BAIAP2L1: variants seen among roughly 807,000 people sequenced by gnomAD.
BAIAP2L1 encodes BAR/IMD domain containing adaptor protein 2 like 1.
In BAIAP2L1, 35 loss-of-function variants were observed where a neutral mutation model predicts 66.3. That is an observed-to-expected ratio of 0.53 (90% CI 0.40 to 0.70). The LOEUF is 0.70. BAIAP2L1 is among the 30% of genes least tolerant of loss of function. BAIAP2L1 has a pLI of 0.00. For synonymous variants in BAIAP2L1, 269 were observed against 248.7 expected, an observed-to-expected ratio of 1.08 and a Z score of -0.77; for missense variants, 622 against 656.9, an observed-to-expected ratio of 0.95 and a Z score of 0.58.
chr7:98,386,727 G>A (rs1042263508), intron 1 of BAIAP2L1: 1 of 577,760 alleles, frequency 1.7e-6, no homozygotes, highest in African/African-American at 2.5e-5. Context: ...TGGTGACAGA[G>A]TCTCGCTCTG....
At chr7:98,296,211 G>C (rs746972459) in intron 12 of BAIAP2L1, among the ~76,000 whole-genome samples, 6 of 152,260 alleles carry the variant, frequency 3.9e-5, no homozygotes, top group African/African-American at 1.4e-4. Context: ...GGTCACGGAG[G>C]TGGGCCATGC....
chr7:98,353,580 C>A (rs1802050965), intron 3 of BAIAP2L1, among the ~76,000 whole-genome samples: 1 of 132,850 alleles, frequency 7.5e-6, no homozygotes, highest in Admixed American at 8.4e-5. Context: ...ATTATAAATA[C>A]ATATATATTT....
chr7:98,390,047 C>CT (rs1802994939), intron 1 of BAIAP2L1, among the ~76,000 whole-genome samples: 1 of 151,412 alleles, frequency 6.6e-6, no homozygotes, highest in Admixed American at 6.6e-5. Context: ...TCCCGAGTAG[C>CT]TGGGACTACA....
At chr7:98,322,383 T>C (rs948886374) in intron 3 of BAIAP2L1, among the ~76,000 whole-genome samples, 4 of 152,088 alleles carry the variant, frequency 2.6e-5, no homozygotes, top group Admixed American at 2.0e-4. Context: ...CCTCGACATG[T>C]CTCAAAGTGA....
chr7:98,390,606 C>A (rs1584507198), intron 1 of BAIAP2L1, among the ~76,000 whole-genome samples: 1 of 151,694 alleles, frequency 6.6e-6, no homozygotes, highest in South Asian at 2.1e-4. Flanking sequence ...GTGGTGGGTG[C>A]CTGCAGTCCC....
At chr7:98,333,916 G>A (rs1427233437) in intron 3 of BAIAP2L1, among the ~76,000 whole-genome samples, 1 of 152,046 alleles carries the variant, frequency 6.6e-6, no homozygotes. Context: ...TAGGCACAGG[G>A]TTTAATTATG....
At chr7:98,355,968 A>G (rs1040223316) in intron 2 of BAIAP2L1, among the ~76,000 whole-genome samples, 6 of 152,242 alleles carry the variant, frequency 3.9e-5, no homozygotes, top group Admixed American at 1.3e-4. Context: ...ATATATTATC[A>G]TTCCAAAAAG....
chr7:98,346,106 A>G (rs993027856), intron 3 of BAIAP2L1, among the ~76,000 whole-genome samples: 1 of 152,224 alleles, frequency 6.6e-6, no homozygotes, highest in Admixed American at 6.5e-5. Flanking sequence ...AGTGAACTGT[A>G]TACTTTAAAT....
At chr7:98,303,220 T>C (rs1288353806) in intron 12 of BAIAP2L1, among the ~76,000 whole-genome samples, 1 of 152,170 alleles carries the variant, frequency 6.6e-6, no homozygotes, top group Non-Finnish European at 1.5e-5. Flanking sequence ...AGGCACATCT[T>C]AGAAGCACAT....
At chr7:98,397,670 TCTTA>T in intron 1 of BAIAP2L1, among the ~76,000 whole-genome samples, 1 of 152,206 alleles carries the variant, frequency 6.6e-6, no homozygotes, top group African/African-American at 2.4e-5. Flanking sequence ...CTGTGGCTGC[TCTTA>T]ATTAAGGGTT....
At chr7:98,314,428 CTAACT>C (rs779806268) in intron 7 of BAIAP2L1, among the ~76,000 whole-genome samples, 94 of 152,218 alleles carry the variant, frequency 6.2e-4, no homozygotes, top group Non-Finnish European at 2.4e-4. Context: ...GGAACACTCT[CTAACT>C]TTACTATGAA....
intron 1 of BAIAP2L1, among the ~76,000 whole-genome samples, chr7:98,377,014 G>T (rs962896286): frequency 6.6e-6 from 1 of 152,138 alleles, no homozygotes; most frequent in Non-Finnish European, 1.5e-5. Context: ...AAAAGCCTGA[G>T]GACAAATTGA....
chr7:98,393,099 G>A lies in BAIAP2L1; in HGVS notation c.51+7703C>T, dbSNP rs528241318. ...TACACACACATATATACATATATAC[G>A]TGTACATATATGTACACATATATGT... On this transcript the variant is annotated intron_variant, in intron 1 of 13. Coordinates refer to ENST00000005260, the MANE Select transcript of BAIAP2L1 (RefSeq NM_018842.5). Among the ~76,000 whole-genome samples the A allele has an allele frequency of 2.4e-4, 25 of 103,270 alleles. 4 individuals carry two copies. The South Asian group carries it at 5.8e-3, about 24-fold the overall frequency. The allele number at this position is 103,270 out of a possible 152,430, so 67.7% of individuals were successfully genotyped here.
chr7:98,372,733 G>GTTTT (rs34330041), intron 1 of BAIAP2L1, among the ~76,000 whole-genome samples: 12 of 93,810 alleles, frequency 1.3e-4, no homozygotes, highest in Admixed American at 2.6e-4. Flanking sequence ...ATCGATTTTG[G>GTTTT]TTTTTTTTTT....
rs1799976746 is a variant in BAIAP2L1 at position 98,291,988 on chromosome 7, CA to C, written c.*1532del. ...TGTGGACTGAATTCTCATGTGGCTGCAGCCCTTTCTGTAGTACAGACTGGGG... is the reference window on the plus strand; with the variant it reads ...TGTGGACTGAATTCTCATGTGGCTGCGCCCTTTCTGTAGTACAGACTGGGG... On this transcript the variant is annotated 3_prime_UTR_variant, in exon 14 of 14. Transcript: ENST00000005260. The C allele has an allele frequency of 2.0e-5, 3 of 152,886 alleles. No homozygotes were observed. Among genetic ancestry groups the C allele is most frequent in the Admixed American group, 6.5e-5 (1 of 15,328 alleles). The allele number at this position is 152,886 out of a possible 1,614,324, so 9.5% of individuals were successfully genotyped here.
At position 98,317,334 on chromosome 7, in the gene BAIAP2L1, G is replaced by A. The variant is rs150463891; in HGVS notation, c.371C>T (p.Thr124Ile). 155 of 1,614,036 alleles carry A rather than the reference G, an allele frequency of 9.6e-5. 1 individual carries two copies. In the African/African-American group the frequency reaches 1.8e-3, roughly 19 times the overall value. ...YMNATLKRYQ[T>I]EHKNKLESLE... ...AGACTCTAATTTATTCTTGTGTTCT[G>A]TTTGGTATCTTTTTAGAGTTGCCTG... The change falls in exon 6 of 14, where the codon ACA becomes ATA. Residue 124 changes from threonine to isoleucine, a missense_variant. Thr to Ile is a moderately conservative substitution (Grantham distance 89). Coordinates refer to ENST00000005260, the MANE Select transcript of BAIAP2L1 (RefSeq NM_018842.5).
At chr7:98,369,064 G>A (rs1388316281) in intron 1 of BAIAP2L1, among the ~76,000 whole-genome samples, 4 of 143,216 alleles carry the variant, frequency 2.8e-5, no homozygotes, top group Non-Finnish European at 4.5e-5. Context: ...TTTTTTTTCA[G>A]AACAGCTGCA....
chr7:98,330,918 C>G (rs113351824), intron 3 of BAIAP2L1, among the ~76,000 whole-genome samples: 1 of 152,116 alleles, frequency 6.6e-6, no homozygotes, highest in Non-Finnish European at 1.5e-5. Flanking sequence ...AAGCCTTTCA[C>G]GAGGAATCTG....
chr7:98,301,018 T>C (rs1800398268), intron 12 of BAIAP2L1, among the ~76,000 whole-genome samples: 1 of 152,066 alleles, frequency 6.6e-6, no homozygotes. Context: ...CCTGCGTGGG[T>C]CTCATTCCTC....
Sources: allele counts gnomAD v4.1 joint callset (sites outside exome capture counted in the v4.1 genomes callset), GRCh38; gene constraint gnomAD v4.1.1; transcripts MANE v1.5; gene names NCBI Gene and HGNC (gene_info 2026-07-23, HGNC 2026-07-21).